The following KCNQ5 variants were observed in gnomAD, a reference collection of about 807,000 sequenced individuals.
KCNQ5 encodes the protein potassium voltage-gated channel subfamily Q member 5.
KCNQ5 carries 30 observed loss-of-function variants against 98.2 expected under a neutral mutation model. The ratio of observed to expected loss-of-function variants is 0.31; its 90% confidence interval spans 0.23 to 0.41. The LOEUF is 0.41. Ranked by LOEUF, KCNQ5 falls within the 10% of genes least tolerant of loss-of-function variation. The pLI, the probability that KCNQ5 is intolerant of heterozygous loss-of-function variation, is 1.00. For synonymous variants in KCNQ5, 458 were observed against 449.4 expected (o/e 1.02, Z -0.24); for missense variants, 835 against 1,182.5 (o/e 0.71, Z 4.31).
At chr6:72,959,464 T>C (rs1242557356) in intron 1 of KCNQ5, among the ~76,000 whole-genome samples, 1 of 152,232 alleles carries the variant, frequency 6.6e-6, no homozygotes, top group Non-Finnish European at 1.5e-5. Flanking sequence ...ATGTATGTAT[T>C]GATTATCTAC....
chr6:73,097,537 A>G (rs1363737029), intron 5 of KCNQ5, among the ~76,000 whole-genome samples: 1 of 152,198 alleles, frequency 6.6e-6, no homozygotes, highest in Non-Finnish European at 1.5e-5. Flanking sequence ...AGAACAAAAT[A>G]AGGATGCCCA....
At chr6:72,876,318 A>G (rs1042599871) in intron 1 of KCNQ5, among the ~76,000 whole-genome samples, 4 of 152,134 alleles carry the variant, frequency 2.6e-5, no homozygotes, top group Non-Finnish European at 5.9e-5. Flanking sequence ...GAAAATATCT[A>G]AAGAAAAATT....
intron 7 of KCNQ5, 113 bp downstream of exon 7, chr6:73,111,516 T>C (rs2000205): frequency 0.95 from 709,844 of 744,246 alleles, 338,709 homozygotes; most frequent in South Asian, 0.98. Context: ...TGTTCCTTTT[T>C]ATAAAATGAA....
At position 72,841,234 on chromosome 6, in the gene KCNQ5, A is replaced by G. The variant is rs192300468; in HGVS notation, c.399-162674A>G. ...TAATTTCTATTAGTTTTGCATTACC[A>G]CTATTTTGACTATGAACCCTTAATG... On this transcript the variant is annotated intron_variant, in intron 1 of 13. Transcript: ENST00000370398. Among the ~76,000 whole-genome samples, 3 of 152,170 alleles carry G rather than the reference A, an allele frequency of 2.0e-5. No homozygotes were observed. In the East Asian group the frequency reaches 5.8e-4, roughly 29 times the overall value.
chr6:73,051,740 A>C (rs1327114128), intron 3 of KCNQ5, among the ~76,000 whole-genome samples: 1 of 125,594 alleles, frequency 8.0e-6, no homozygotes, highest in East Asian at 2.6e-4. Flanking sequence ...AAAAAAAAAA[A>C]CTATCCAAAG....
intron 5 of KCNQ5, among the ~76,000 whole-genome samples, chr6:73,100,178 A>G (rs1275153425): frequency 6.6e-6 from 1 of 152,212 alleles, no homozygotes; most frequent in East Asian, 1.9e-4. Context: ...AACAAAACCA[A>G]TGGGATACAG....
At chr6:73,144,016 G>T (rs1235318853) in intron 10 of KCNQ5, among the ~76,000 whole-genome samples, 1 of 152,116 alleles carries the variant, frequency 6.6e-6, no homozygotes, top group African/African-American at 2.4e-5. Flanking sequence ...GTCACACTTA[G>T]TTGTCTGCTG....
At chr6:72,823,307 A>G (rs1039856925) in intron 1 of KCNQ5, among the ~76,000 whole-genome samples, 1 of 152,186 alleles carries the variant, frequency 6.6e-6, no homozygotes, top group Non-Finnish European at 1.5e-5. Context: ...TAGTCTTAAT[A>G]CATCTTGGTG....
At chr6:72,929,280 G>C (rs1192424927) in intron 1 of KCNQ5, among the ~76,000 whole-genome samples, 1 of 152,078 alleles carries the variant, frequency 6.6e-6, no homozygotes, top group African/African-American at 2.4e-5. Context: ...GAAGAGAGGA[G>C]TTGAAAGCTT....
At chr6:73,067,923 A>G (rs1271412817) in intron 3 of KCNQ5, among the ~76,000 whole-genome samples, 5 of 149,800 alleles carry the variant, frequency 3.3e-5, no homozygotes, top group Non-Finnish European at 5.9e-5. Context: ...ATTTGTATGG[A>G]ATCTTACCAC....
chr6:72,632,437 G>A (rs966406654), intron 1 of KCNQ5, among the ~76,000 whole-genome samples: 1 of 151,984 alleles, frequency 6.6e-6, no homozygotes, highest in African/African-American at 2.4e-5. Context: ...CACCGCGCCT[G>A]GCCAGTTTTT....
intron 1 of KCNQ5, among the ~76,000 whole-genome samples, chr6:72,806,522 A>T (rs918316253): frequency 2.6e-5 from 4 of 152,200 alleles, no homozygotes; most frequent in African/African-American, 9.6e-5. Context: ...TTAAGGATCA[A>T]ACCTGAAGAG....
chr6:72,947,577 T>A (rs1488845522), intron 1 of KCNQ5, among the ~76,000 whole-genome samples: 2 of 152,130 alleles, frequency 1.3e-5, no homozygotes, highest in Non-Finnish European at 2.9e-5. Flanking sequence ...TACTCTTAGT[T>A]TGAAATTCAA....
intron 1 of KCNQ5, among the ~76,000 whole-genome samples, chr6:72,680,155 A>G (rs984736100): frequency 2.6e-5 from 4 of 152,222 alleles, no homozygotes; most frequent in African/African-American, 9.6e-5. Flanking sequence ...ATTCTAAAAA[A>G]GAAGCCTCCT....
At chr6:73,048,700 A>T (rs1431048469) in intron 3 of KCNQ5, among the ~76,000 whole-genome samples, 1 of 152,210 alleles carries the variant, frequency 6.6e-6, no homozygotes, top group Non-Finnish European at 1.5e-5. Flanking sequence ...CATAAACATA[A>T]GTTTATAAGG....
At chr6:72,655,880 G>A (rs558355261) in intron 1 of KCNQ5, among the ~76,000 whole-genome samples, 89 of 152,258 alleles carry the variant, frequency 5.8e-4, no homozygotes, top group African/African-American at 2.1e-3. Context: ...GGAACTTATT[G>A]TTATAGTTTA....
intron 1 of KCNQ5, among the ~76,000 whole-genome samples, chr6:72,820,630 G>T (rs866797045): frequency 1.3e-5 from 2 of 152,090 alleles, no homozygotes; most frequent in East Asian, 3.9e-4. Context: ...GGAAGACAGA[G>T]GAAGCCTGGG....
intron 1 of KCNQ5, among the ~76,000 whole-genome samples, chr6:72,824,549 C>T (rs572051605): frequency 6.6e-6 from 1 of 152,128 alleles, no homozygotes; most frequent in African/African-American, 2.4e-5. Flanking sequence ...TTTCAATTTG[C>T]ACATGTACTT....
chr6:72,660,042 G>A (rs889145367), intron 1 of KCNQ5, among the ~76,000 whole-genome samples: 4 of 152,152 alleles, frequency 2.6e-5, no homozygotes, highest in African/African-American at 9.7e-5. Flanking sequence ...ACTGAAGCCA[G>A]GGCAAACCTT....
Sources: allele counts gnomAD v4.1 joint callset (sites outside exome capture counted in the v4.1 genomes callset), GRCh38; gene constraint gnomAD v4.1.1; transcripts MANE v1.5; gene names NCBI Gene and HGNC (gene_info 2026-07-23, HGNC 2026-07-21).